Variants in MARCHF1 observed in about 807,000 individuals in gnomAD.
The protein encoded by MARCHF1 is E3 ubiquitin-protein ligase MARCHF1.
MARCHF1 carries 40 observed loss-of-function variants against 54.2 expected under a neutral mutation model. That is an observed-to-expected ratio of 0.74 (90% CI 0.57 to 0.96). The LOEUF is 0.96. MARCHF1 is among the 40% of genes least tolerant of loss of function. MARCHF1 has a pLI of 0.00. For missense variants in MARCHF1, 586 were observed against 656.5 expected (o/e 0.89, Z 1.17); for synonymous variants, 236 against 236.3 (o/e 1.00, Z 0.01).
chr4:163,907,908 C>A lies in MARCHF1; in HGVS notation c.-38-53739G>T, dbSNP rs77246861. ...ATTTCAACACAAAGAGAAATAAGGT[C>A]GCTTGAGAATCATACCAGAAACCTG... On this transcript the variant is annotated intron_variant, in intron 3 of 9. Transcript: ENST00000514618. Among the ~76,000 whole-genome samples, 3 of 151,962 alleles carry A rather than the reference C, an allele frequency of 2.0e-5. 1 individual carries two copies. The highest frequency in any genetic ancestry group is 1.3e-4 in the Admixed American group (2 of 15,248).
chr4:164,250,493 T>C (rs17044794), intron 1 of MARCHF1, among the ~76,000 whole-genome samples: 17,476 of 152,008 alleles, frequency 0.11, 1,561 homozygotes, highest in African/African-American at 0.25. Flanking sequence ...GTAAACTGGG[T>C]GATATAACTA....
intron 1 of MARCHF1, among the ~76,000 whole-genome samples, chr4:164,304,823 C>A (rs1734656440): frequency 6.6e-6 from 1 of 152,152 alleles, no homozygotes; most frequent in African/African-American, 2.4e-5. Flanking sequence ...TTTTTCACTA[C>A]AGAGTCCACA....
At chr4:163,573,558 C>G (rs1406390980) in intron 8 of MARCHF1, among the ~76,000 whole-genome samples, 2 of 148,026 alleles carry the variant, frequency 1.4e-5, no homozygotes, top group African/African-American at 5.0e-5. Context: ...TGAGAATACG[C>G]GGTGTTTGGT....
At chr4:163,707,216 T>C (rs1490892486) in intron 4 of MARCHF1, among the ~76,000 whole-genome samples, 1 of 152,088 alleles carries the variant, frequency 6.6e-6, no homozygotes, top group Non-Finnish European at 1.5e-5. Context: ...AAACTATATG[T>C]CATTGGTATA....
At chr4:163,835,800 C>T (rs1437100524) in intron 4 of MARCHF1, among the ~76,000 whole-genome samples, 5 of 152,134 alleles carry the variant, frequency 3.3e-5, no homozygotes, top group Non-Finnish European at 7.3e-5. Context: ...TTGAGAATTT[C>T]ACATGCATTT....
intron 1 of MARCHF1, among the ~76,000 whole-genome samples, chr4:164,260,057 C>G (rs574423533): frequency 6.6e-6 from 1 of 152,150 alleles, no homozygotes; most frequent in African/African-American, 2.4e-5. Flanking sequence ...AATCACTGAC[C>G]TAGTTGTAAG....
chr4:163,538,348 C>T (rs1738609023), intron 9 of MARCHF1, among the ~76,000 whole-genome samples: 1 of 151,026 alleles, frequency 6.6e-6, no homozygotes, highest in Non-Finnish European at 1.5e-5. Flanking sequence ...TTCACACACA[C>T]ACACAAATCC....
intron 6 of MARCHF1, 59 bp downstream of exon 6, chr4:163,613,255 A>G: frequency 6.6e-7 from 1 of 1,510,982 alleles, no homozygotes; most frequent in South Asian, 1.3e-5. Context: ...AGAACAAACA[A>G]CAAGAATACG....
rs1053683298 is a variant in MARCHF1 at position 164,122,340 on chromosome 4, C to T, written c.-322-10678G>A. ...TATTTTCCTTTCTAACTAAGAGTAG[C>T]CTGTAAATTCAAGCTGCAGACATAG... is the stretch of plus-strand genomic sequence containing the variant. On this transcript the variant is annotated intron_variant, in intron 1 of 9. Coordinates refer to ENST00000514618, the MANE Select transcript of MARCHF1 (RefSeq NM_001394959.1). Among the ~76,000 whole-genome samples the T allele has an allele frequency of 1.1e-4, 17 of 152,042 alleles. No homozygotes were observed. The East Asian group carries it at 3.3e-3, about 29-fold the overall frequency.
At chr4:163,983,152 A>G (rs139989830) in intron 3 of MARCHF1, among the ~76,000 whole-genome samples, 1,669 of 152,324 alleles carry the variant, frequency 0.011, 89 homozygotes, top group Admixed American at 0.1. Context: ...GCATTTGAAG[A>G]CAAACACGGC....
intron 4 of MARCHF1, among the ~76,000 whole-genome samples, chr4:163,731,661 T>TC (rs1745834472): frequency 6.6e-6 from 1 of 152,154 alleles, no homozygotes; most frequent in Admixed American, 6.5e-5. Flanking sequence ...CTTCAAATAT[T>TC]CAGCTGAGTA....
chr4:163,931,361 T>C (rs1751670215), intron 3 of MARCHF1, among the ~76,000 whole-genome samples: 1 of 152,116 alleles, frequency 6.6e-6, no homozygotes, highest in Non-Finnish European at 1.5e-5. Flanking sequence ...ATGTTCAAAG[T>C]GTTAACCCCC....
At chr4:164,074,186 A>G (rs1579512133) in intron 2 of MARCHF1, among the ~76,000 whole-genome samples, 1 of 152,214 alleles carries the variant, frequency 6.6e-6, no homozygotes, top group African/African-American at 2.4e-5. Context: ...TCCCATGCCA[A>G]TAACCTGTAA....
In MARCHF1 at chr4:164,150,904, G is replaced by T. The variant is rs80157081; in HGVS notation, c.-322-39242C>A. On this transcript the variant is annotated intron_variant, in intron 1 of 9. Coordinates refer to ENST00000514618, the MANE Select transcript of MARCHF1 (RefSeq NM_001394959.1). The stretch of plus-strand genomic sequence containing the variant: ...AGCTGGTATCCTGGACCATCTGAGT[G>T]GGCCCAAAGTAATCACAAGTGTCCT... 4.6e-3 allele frequency among the ~76,000 whole-genome samples: 697 copies of T among 152,268 alleles called. 6 individuals are homozygous for T. Among genetic ancestry groups the T allele is most frequent in the African/African-American group, 0.015 (641 of 41,562 alleles).
chr4:163,597,155 G>T (rs779868884), intron 7 of MARCHF1, among the ~76,000 whole-genome samples: 1 of 151,852 alleles, frequency 6.6e-6, no homozygotes, highest in East Asian at 1.9e-4. Context: ...ACGCGGTTTC[G>T]CCATGTTGGC....
intron 3 of MARCHF1, among the ~76,000 whole-genome samples, chr4:163,984,200 A>C (rs942098034): frequency 3.4e-5 from 5 of 148,516 alleles, no homozygotes; most frequent in Non-Finnish European, 5.9e-5. Flanking sequence ...AGATCTTAAA[A>C]GGGATATCTC....
At chr4:164,276,947 T>TATATATAGAGAGAG (rs1392528920) in intron 1 of MARCHF1, among the ~76,000 whole-genome samples, 2 of 118,824 alleles carry the variant, frequency 1.7e-5, no homozygotes, top group Non-Finnish European at 3.7e-5. Context: ...TATATATATA[T>TATATATAGAGAGAG]AGAGAGAGAG....
At chr4:164,142,151 C>A (rs4380475) in intron 1 of MARCHF1, among the ~76,000 whole-genome samples, 26,286 of 152,180 alleles carry the variant, frequency 0.17, 3,387 homozygotes, top group African/African-American at 0.35. Context: ...ATATATCCTG[C>A]ACCTGCCTCG....
intron 5 of MARCHF1, among the ~76,000 whole-genome samples, chr4:163,653,329 T>C (rs1743033511): frequency 2.0e-5 from 3 of 151,922 alleles, no homozygotes; most frequent in African/African-American, 7.2e-5. Context: ...GTTATGTATA[T>C]CTTGTAGCAT....
Sources: allele counts gnomAD v4.1 joint callset (sites outside exome capture counted in the v4.1 genomes callset), GRCh38; gene constraint gnomAD v4.1.1; transcripts MANE v1.5; gene names NCBI Gene and HGNC (gene_info 2026-07-23, HGNC 2026-07-21).